RAD51B: variants seen among roughly 807,000 people sequenced by gnomAD.
RAD51B encodes RAD51 paralog B.
In RAD51B, 38 loss-of-function variants were observed where a neutral mutation model predicts 42.2. The ratio of observed to expected loss-of-function variants is 0.90; its 90% CI spans 0.70 to 1.18. The LOEUF (loss-of-function observed/expected upper bound fraction) is 1.18. Ranked by LOEUF, RAD51B falls within the 50% of genes most tolerant of loss-of-function variation. The pLI is 0.00. For missense variants in RAD51B, 373 were observed against 400.7 expected, an observed-to-expected ratio of 0.93 and a Z score of 0.59; for synonymous variants, 154 against 145.2, an observed-to-expected ratio of 1.06 and a Z score of -0.43.
intron 7 of RAD51B, among the ~76,000 whole-genome samples, chr14:68,147,694 AG>A (rs1392178742): frequency 1.3e-5 from 2 of 152,128 alleles, no homozygotes; most frequent in Admixed American, 1.3e-4. Context: ...TAAATGAAGA[AG>A]TTGTTCTTTA....
At chr14:67,822,161 A>G (rs1162345739) in intron 1 of RAD51B, 1 of 152,152 alleles carries the variant, frequency 6.6e-6, no homozygotes, top group Non-Finnish European at 1.5e-5. Context: ...ATATTGCTTT[A>G]TTCCTTGGAT....
intron 8 of RAD51B, among the ~76,000 whole-genome samples, chr14:68,368,869 G>A (rs1313952793): frequency 1.3e-5 from 2 of 152,176 alleles, no homozygotes; most frequent in Non-Finnish European, 1.5e-5. Context: ...GAAGTATAAG[G>A]CTAAATGAAG....
At chr14:68,085,150 T>G (rs1281851830) in intron 7 of RAD51B, among the ~76,000 whole-genome samples, 1 of 152,208 alleles carries the variant, frequency 6.6e-6, no homozygotes, top group Admixed American at 6.5e-5. Context: ...CAATTGGAGC[T>G]GCCTTTGAGA....
At chr14:68,485,304 AG>A in intron 10 of RAD51B, among the ~76,000 whole-genome samples, 1 of 152,318 alleles carries the variant, frequency 6.6e-6, no homozygotes, top group East Asian at 1.9e-4. Context: ...CCCTGACTCC[AG>A]GATCTTACTT....
chr14:68,409,394 T>C (rs1321595890), intron 8 of RAD51B, among the ~76,000 whole-genome samples: 1 of 152,216 alleles, frequency 6.6e-6, no homozygotes, highest in East Asian at 1.9e-4. Flanking sequence ...TGCAAGCACT[T>C]GGCCTCTTTA....
chr14:68,060,475 A>G (rs1771510557), intron 7 of RAD51B, among the ~76,000 whole-genome samples: 1 of 152,206 alleles, frequency 6.6e-6, no homozygotes, highest in South Asian at 2.1e-4. Context: ...TTTGAATGTA[A>G]TCTAAGTTAT....
intron 10 of RAD51B, among the ~76,000 whole-genome samples, chr14:68,566,371 T>C (rs995246380): frequency 4.6e-5 from 7 of 152,256 alleles, no homozygotes; most frequent in African/African-American, 1.4e-4. Flanking sequence ...TAGAATTGTC[T>C]GATTCATCCC....
chr14:68,058,881 A>G (rs1170164339), intron 7 of RAD51B, among the ~76,000 whole-genome samples: 1 of 152,204 alleles, frequency 6.6e-6, no homozygotes, highest in South Asian at 2.1e-4. Context: ...ACACATAGGC[A>G]TATTCTTTTG....
intron 10 of RAD51B, among the ~76,000 whole-genome samples, chr14:68,627,523 G>A (rs750859915): frequency 3.5e-4 from 54 of 152,124 alleles, no homozygotes; most frequent in Non-Finnish European, 1.8e-4. Flanking sequence ...CATGCTCCAG[G>A]AGCCGCGTTT....
intron 10 of RAD51B, among the ~76,000 whole-genome samples, chr14:68,510,982 C>A (rs374617918): frequency 2.6e-5 from 4 of 152,156 alleles, no homozygotes; most frequent in Admixed American, 2.6e-4. Context: ...ACCCAGTCTC[C>A]ACCTCCCTCC....
intron 8 of RAD51B, among the ~76,000 whole-genome samples, chr14:68,407,579 G>T (rs957418773): frequency 2.0e-5 from 3 of 152,154 alleles, no homozygotes; most frequent in African/African-American, 7.2e-5. Context: ...ACATCATTGT[G>T]CAGAGCACGA....
rs186735514 is a variant in RAD51B, at chr14:67,919,265, C to G, written c.756+32061C>G. On this transcript the variant is annotated intron_variant, in intron 7 of 10. Coordinates refer to ENST00000471583, the MANE Select transcript of RAD51B (RefSeq NM_133510.4). ...CTGTGAAGGTTCGTAAAGTTTAGTA[C>G]TGTAGGAAACCAGAATATGCCTCCC... is the stretch of plus-strand genomic sequence containing the variant. Among the ~76,000 whole-genome samples the G allele has an allele frequency of 2.4e-3, 361 of 152,236 alleles. 1 individual carries two copies. Among genetic ancestry groups the G allele is most frequent in the Admixed American group, 3.8e-3 (58 of 15,274 alleles).
chr14:68,390,173 C>T (rs555317703), intron 8 of RAD51B, among the ~76,000 whole-genome samples: 13 of 152,334 alleles, frequency 8.5e-5, no homozygotes, highest in Non-Finnish European at 1.5e-4. Flanking sequence ...CCTAAAATTT[C>T]CTCAACTAAC....
chr14:68,345,338 C>T (rs1030888564), intron 8 of RAD51B, among the ~76,000 whole-genome samples: 11 of 152,082 alleles, frequency 7.2e-5, no homozygotes, highest in African/African-American at 2.4e-4. Flanking sequence ...TGTTAAAATC[C>T]CCAGTGTTGG....
At chr14:68,358,762 C>T (rs1168650387) in intron 8 of RAD51B, among the ~76,000 whole-genome samples, 1 of 152,096 alleles carries the variant, frequency 6.6e-6, no homozygotes, top group Admixed American at 6.5e-5. Context: ...AATTATTCTT[C>T]AGTCAGATCG....
intron 10 of RAD51B, among the ~76,000 whole-genome samples, chr14:68,545,391 A>G (rs748580917): frequency 3.3e-5 from 5 of 151,822 alleles, no homozygotes; most frequent in African/African-American, 4.8e-5. Context: ...AAAAGACAAC[A>G]CTCACTTCCC....
intron 7 of RAD51B, among the ~76,000 whole-genome samples, chr14:68,286,597 C>T (rs1007855698): frequency 6.6e-6 from 1 of 152,214 alleles, no homozygotes; most frequent in African/African-American, 2.4e-5. Flanking sequence ...TTCACCTGTA[C>T]ATTCTAGTAC....
intron 11 of RAD51B, chr14:68,682,875 CTT>C (rs1166737039): frequency 7.1e-4 from 409 of 577,418 alleles, no homozygotes; most frequent in Non-Finnish European, 7.4e-4. Context: ...TCTCACAAGG[CTT>C]TTTTTTTTTT....
intron 8 of RAD51B, among the ~76,000 whole-genome samples, chr14:68,355,933 T>A (rs1186559742): frequency 1.3e-5 from 2 of 152,234 alleles, no homozygotes; most frequent in African/African-American, 4.8e-5. Context: ...TCCCAATTAT[T>A]ATTCATTTAG....
Sources: allele counts gnomAD v4.1 joint callset (sites outside exome capture counted in the v4.1 genomes callset), GRCh38; gene constraint gnomAD v4.1.1; transcripts MANE v1.5; gene names NCBI Gene and HGNC (gene_info 2026-07-23, HGNC 2026-07-21).